The following MICALL1 variants were observed in gnomAD, a reference collection of about 807,000 sequenced individuals.
The protein encoded by MICALL1 is MICAL-like protein 1.
In MICALL1, 61 loss-of-function variants were observed where a neutral mutation model predicts 83.7. The ratio of observed to expected loss-of-function variants is 0.73; its 90% CI spans 0.59 to 0.90. The LOEUF (loss-of-function observed/expected upper bound fraction) is 0.90, where lower values mean the gene tolerates loss of function less well. Among genes scored for constraint, MICALL1 ranks in the 40% least tolerant of loss-of-function variants. The pLI is 0.00. For synonymous variants in MICALL1, 481 were observed against 473.6 expected (o/e 1.02, Z -0.20); for missense variants, 1,066 against 1,152.0 (o/e 0.93, Z 1.08).
chr22:37,909,758 T>C (rs1928199413), intron 1 of MICALL1, among the ~76,000 whole-genome samples: 1 of 152,222 alleles, frequency 6.6e-6, no homozygotes, highest in Non-Finnish European at 1.5e-5. Context: ...AGGCATTCAT[T>C]TGCAATATTG....
At chr22:37,919,266 A>G in intron 5 of MICALL1, 88 bp downstream of exon 5, 1 of 1,374,790 alleles carries the variant, frequency 7.3e-7, no homozygotes, top group South Asian at 1.7e-5. Context: ...GCACCTTGCC[A>G]GGCCCTTCAC....
intron 4 of MICALL1, among the ~76,000 whole-genome samples, chr22:37,918,009 G>A (rs1239066143): frequency 6.6e-6 from 1 of 152,204 alleles, no homozygotes; most frequent in Non-Finnish European, 1.5e-5. Flanking sequence ...CGTTCTATGG[G>A]CAGGGAGCCC....
rs764617512 is a variant in MICALL1, at chr22:37,925,768, A to G, written c.1190A>G (p.Gln397Arg). The change falls in exon 8 of 16, where the codon CAG (glutamine) becomes CGG (arginine). Residue 397 changes from glutamine (Q) to arginine (R), a missense_variant. Coordinates refer to ENST00000215957, the MANE Select transcript of MICALL1 (RefSeq NM_033386.4). ...AGCAGCAGCCCGGGGCCACCAAGCC[A>G]GGACAGCAGGCAGGTGGAGAATGGA... ...PPSSSPGPPS[Q>R]DSRQVENGGT... The G allele has an allele frequency of 6.8e-6, 11 of 1,613,050 alleles. No homozygotes were observed. The East Asian group carries it at 2.0e-4, about 29-fold the overall frequency.
At position 37,940,966 on chromosome 22, in the gene MICALL1, G is replaced by A; in HGVS notation, c.*136G>A. On this transcript the variant is annotated 3_prime_UTR_variant, in exon 16 of 16. Coordinates refer to ENST00000215957, the MANE Select transcript of MICALL1 (RefSeq NM_033386.4). Reference sequence around the variant, plus strand: ...AAGGGGAGGGATCCTCTGGGTGATGGCCTCTTCCTCCTCAGGGACCTCTGA... The same window carrying A: ...AAGGGGAGGGATCCTCTGGGTGATGACCTCTTCCTCCTCAGGGACCTCTGA... 1 of 1,109,002 alleles carries A rather than the reference G, an allele frequency of 9.0e-7. No individual in the cohort carries two copies. The highest frequency in any genetic ancestry group is 1.6e-5 in the African/African-American group (1 of 63,384). The allele number at this position is 1,109,002 out of a possible 1,614,324, so 68.7% of individuals were successfully genotyped here.
At chr22:37,920,095 G>T (rs1415712315) in intron 5 of MICALL1, among the ~76,000 whole-genome samples, 1 of 152,022 alleles carries the variant, frequency 6.6e-6, no homozygotes, top group Non-Finnish European at 1.5e-5. Context: ...AAGTAATCGG[G>T]ACTACAGGCA....
In MICALL1 at chr22:37,938,031, C is replaced by T. The variant is rs143691817; in HGVS notation, c.2470+239C>T. Among the ~76,000 whole-genome samples, 14 of 152,224 alleles carry T rather than the reference C, an allele frequency of 9.2e-5. No homozygotes were observed. In the East Asian group the frequency reaches 2.1e-3, roughly 23 times the overall value. On this transcript the variant is annotated intron_variant, in intron 15 of 15. Coordinates refer to ENST00000215957, the MANE Select transcript of MICALL1 (RefSeq NM_033386.4). ...TGGGATGCCCTGATGCCTACAGAGACGACTGTGGTATATGGGAGGCATCTT... is the reference window on the plus strand; with the variant it reads ...TGGGATGCCCTGATGCCTACAGAGATGACTGTGGTATATGGGAGGCATCTT...
intron 15 of MICALL1, 135 bp downstream of exon 15, chr22:37,937,927 T>C: frequency 1.8e-6 from 2 of 1,097,084 alleles, no homozygotes; most frequent in South Asian, 1.4e-5. Context: ...CAGCCTCTGT[T>C]GTGCAGAGAG....
chr22:37,908,460 C>G (rs1928109586), intron 1 of MICALL1, among the ~76,000 whole-genome samples: 1 of 151,974 alleles, frequency 6.6e-6, no homozygotes, highest in Non-Finnish European at 1.5e-5. Flanking sequence ...GCCACCACGC[C>G]TGTCTAATTT....
chr22:37,908,426 T>TA (rs1473051584), intron 1 of MICALL1, among the ~76,000 whole-genome samples: 4 of 151,784 alleles, frequency 2.6e-5, no homozygotes, highest in Admixed American at 6.6e-5. Context: ...TCAACCTCCC[T>TA]AGTAGCTGGG....
chr22:37,925,435 C>T (rs919910500), intron 7 of MICALL1, among the ~76,000 whole-genome samples: 1 of 152,142 alleles, frequency 6.6e-6, no homozygotes, highest in African/African-American at 2.4e-5. Context: ...CTTTCCTGGG[C>T]TGGGTTAACA....
At chr22:37,920,800 C>T (rs894521850) in intron 5 of MICALL1, among the ~76,000 whole-genome samples, 2 of 152,118 alleles carry the variant, frequency 1.3e-5, no homozygotes, top group Non-Finnish European at 2.9e-5. Flanking sequence ...GTGGCAGGCG[C>T]CTGTAGTCCC....
At chr22:37,928,148 C>T (rs1052743736) in intron 9 of MICALL1, among the ~76,000 whole-genome samples, 1 of 151,996 alleles carries the variant, frequency 6.6e-6, no homozygotes, top group Admixed American at 6.6e-5. Context: ...CCTCGTGATC[C>T]GCCTGCCTCA....
chr22:37,933,654 G>C (rs1929925783), intron 13 of MICALL1, among the ~76,000 whole-genome samples: 2 of 152,176 alleles, frequency 1.3e-5, no homozygotes, highest in Admixed American at 6.5e-5. Flanking sequence ...GGTGAGGAGG[G>C]CTCCTCACAC....
In MICALL1 at chr22:37,940,787, A is replaced by G. The variant is rs147196909; in HGVS notation, c.2549A>G (p.Asn850Ser). ...KTMKMLKLLG[N>S]KRDAKSKSPR... ...ATGAAGATGTTGAAACTGCTAGGAA[A>G]CAAACGTGATGCCAAGAGCAAGTCC... The change falls in exon 16 of 16, where the codon AAC (asparagine) becomes AGC (serine). Residue 850 changes from asparagine to serine, a missense_variant. By Grantham distance (46) the Asn-to-Ser change is conservative. Transcript: ENST00000215957. The G allele has an allele frequency of 1.3e-4, 208 of 1,614,152 alleles. 2 individuals are homozygous for G. Among genetic ancestry groups the G allele is most frequent in the Admixed American group, 1.8e-4 (11 of 60,024 alleles).
Position 37,906,875 on chromosome 22 carries a change from A to C in MICALL1, c.146+307A>C. On this transcript the variant is annotated intron_variant, in intron 1 of 15. Coordinates refer to ENST00000215957, the MANE Select transcript of MICALL1 (RefSeq NM_033386.4). This position sits in a 1 kb window ranked among gnomAD's most constrained non-coding sequence, Gnocchi z 4.4. ...TTCCGCCGAGGATCGCTGAACCCCT[A>C]AGCCCTTGACCTCTTTGAAGGGGTG... 6.2e-6 allele frequency: 1 copy of C among 160,908 alleles called. No homozygotes were observed. Among genetic ancestry groups the C allele is most frequent in the Non-Finnish European group, 1.4e-5 (1 of 73,954 alleles). The allele number at this position is 160,908 out of a possible 1,614,324, so 10.0% of individuals were successfully genotyped here. A position where few individuals can be genotyped will look rare whatever the true frequency, so the allele number is the denominator to read the frequency against.
At position 37,940,916 on chromosome 22, in the gene MICALL1, C is replaced by A; in HGVS notation, c.*86C>A. ...TTTGAAGGGGGCGCCCTGCTCCCCTCAGATCAGTCAGGAGGAAGATGACTA... is the reference window on the plus strand; with the variant it reads ...TTTGAAGGGGGCGCCCTGCTCCCCTAAGATCAGTCAGGAGGAAGATGACTA... On this transcript the variant is annotated 3_prime_UTR_variant, in exon 16 of 16. Transcript: ENST00000215957. The A allele has an allele frequency of 6.5e-7, 1 of 1,537,810 alleles. No homozygotes were observed. Among genetic ancestry groups the A allele is most frequent in the Non-Finnish European group, 8.9e-7 (1 of 1,128,610 alleles).
At position 37,906,776 on chromosome 22, in the gene MICALL1, C is replaced by T. The variant is rs1426052493; in HGVS notation, c.146+208C>T. On this transcript the variant is annotated intron_variant, in intron 1 of 15. Transcript: ENST00000215957. The surrounding 1 kb of genome is among the most constrained non-coding windows in gnomAD (Gnocchi z 4.4). ...CCCCCGCCCGGCCGCCCTGACCCCG[C>T]CCGTGGGATCCCGAACTCTCCCCCG... The T allele has an allele frequency of 4.3e-6, 1 of 230,486 alleles. No homozygotes were observed. 14.3% of individuals were successfully genotyped at this position (230,486 alleles called of 1,614,324 possible).
Position 37,922,292 on chromosome 22 carries a change from C to G in MICALL1, c.890C>G (p.Pro297Arg). 1.9e-6 allele frequency: 3 copies of G among 1,553,808 alleles called. No homozygotes were observed. Among genetic ancestry groups the G allele is most frequent in the Non-Finnish European group, 2.6e-6 (3 of 1,150,082 alleles). The part of the protein sequence containing the change: ...PGKLQELASP[P>R]AGRPTPAPRK... Reference sequence around the variant, plus strand: ...AAACTACAGGAGCTGGCCAGCCCCCCTGCGGGCCGCCCCACCCCTGCCCCC... The same window carrying G: ...AAACTACAGGAGCTGGCCAGCCCCCGTGCGGGCCGCCCCACCCCTGCCCCC... Residue 297 changes from proline (P) to arginine (R), a missense_variant, in exon 6 of 16, where the codon CCT becomes CGT. By Grantham distance (103) the Pro-to-Arg change is moderately radical. Coordinates refer to ENST00000215957, the MANE Select transcript of MICALL1 (RefSeq NM_033386.4).
At position 37,912,331 on chromosome 22, in the gene MICALL1, T is replaced by C; in HGVS notation, c.196-20T>C. The C allele has an allele frequency of 6.3e-7, 1 of 1,598,562 alleles. No individual in the cohort carries two copies. Among genetic ancestry groups the C allele is most frequent in the East Asian group, 2.2e-5 (1 of 44,502 alleles). On this transcript the variant is annotated intron_variant, in intron 2 of 15. Transcript: ENST00000215957. Reference sequence around the variant, plus strand: ...TTCCTGCTTCGGCTGCTCCCGCCCTTGTACCTGTCACCACCCCAGGCCTTT... The same window carrying C: ...TTCCTGCTTCGGCTGCTCCCGCCCTCGTACCTGTCACCACCCCAGGCCTTT...
Sources: gnomAD v4.1 joint callset for allele counts (sites outside exome capture counted in the v4.1 genomes callset) on GRCh38, gnomAD v4.1.1 for gene constraint, Gnocchi (gnomAD v3.1) non-coding constraint, MANE v1.5 for transcripts, NCBI Gene and HGNC (gene_info 2026-07-23, HGNC 2026-07-21) for gene names.